Variants in DCAF1 observed in about 807,000 individuals in gnomAD.
DCAF1 encodes the protein DDB1 and CUL4 associated factor 1.
Under a neutral mutation model 128.0 loss-of-function variants are expected in DCAF1, and 15 were observed. The observed-to-expected ratio is 0.12, with a 90% confidence interval of 0.08 to 0.18. The LOEUF is 0.18. Among genes scored for constraint, DCAF1 ranks in the 10% least tolerant of loss-of-function variants. DCAF1 has a pLI of 1.00. For synonymous variants in DCAF1, 610 were observed against 603.0 expected, an observed-to-expected ratio of 1.01 and a Z score of -0.17; for missense variants, 988 against 1,649.5, an observed-to-expected ratio of 0.60 and a Z score of 6.95.
At chr3:51,483,187 G>A (rs1706463030) in intron 3 of DCAF1, among the ~76,000 whole-genome samples, 1 of 142,618 alleles carries the variant, frequency 7.0e-6, no homozygotes, top group Admixed American at 7.2e-5. Flanking sequence ...TGTAATCCTA[G>A]CACTTTGGGA....
At chr3:51,487,660 C>T (rs1331324253) in intron 2 of DCAF1, among the ~76,000 whole-genome samples, 1 of 151,914 alleles carries the variant, frequency 6.6e-6, no homozygotes, top group East Asian at 1.9e-4. Context: ...TTCTTTCTTC[C>T]TTTTTCTTCT....
chr3:51,396,955 C>T (rs1003905304), downstream of DCAF1: 2 of 166,972 alleles, frequency 1.2e-5, no homozygotes, highest in Non-Finnish European at 2.9e-5. Context: ...TGAGTGAGTC[C>T]TCTGCTCTCC....
intron 23 of DCAF1, among the ~76,000 whole-genome samples, chr3:51,405,814 A>C (rs1297545637): frequency 1.3e-5 from 2 of 152,188 alleles, no homozygotes; most frequent in African/African-American, 4.8e-5. Context: ...AGATCTAAAG[A>C]ATAAAGCTTC....
intron 6 of DCAF1, among the ~76,000 whole-genome samples, chr3:51,451,963 T>C (rs782362529): frequency 1.3e-5 from 2 of 152,058 alleles, no homozygotes; most frequent in African/African-American, 4.8e-5. Context: ...ATACATATAA[T>C]GTATGGACTG....
intron 6 of DCAF1, among the ~76,000 whole-genome samples, chr3:51,447,966 C>G (rs912082128): frequency 1.3e-5 from 2 of 151,918 alleles, no homozygotes; most frequent in Non-Finnish European, 1.5e-5. Flanking sequence ...AAAAAAAGTT[C>G]TATGTTTACA....
At chr3:51,502,036 T>G (rs763418469), upstream of DCAF1, among the ~76,000 whole-genome samples, 1 of 152,160 alleles carries the variant, frequency 6.6e-6, no homozygotes, top group Non-Finnish European at 1.5e-5. Context: ...TTTCCTGCCA[T>G]GCCTCCCTGG....
At position 51,440,911 on chromosome 3, in the gene DCAF1, T is replaced by C. The variant is rs1003188170; in HGVS notation, c.1128+59A>G. On this transcript the variant is annotated intron_variant, in intron 9 of 24. Coordinates refer to ENST00000684031, the MANE Select transcript of DCAF1 (RefSeq NM_001387579.1). ...ACAGAGTGAGACTCCATCTTAAATT[T>C]AAAAAAAAACAAAGTTTTTAAAAAA... The C allele has an allele frequency of 3.6e-6, 5 of 1,397,334 alleles. No homozygotes were observed. The African/African-American group carries it at 7.3e-5, about 20-fold the overall frequency. 86.6% of individuals were successfully genotyped at this position (1,397,334 alleles called of 1,614,324 possible).
chr3:51,442,009 G>A (rs1432099482), intron 7 of DCAF1, 112 bp from the exon 8 acceptor site: 2 of 1,362,698 alleles, frequency 1.5e-6, no homozygotes, highest in Non-Finnish European at 9.8e-7. Flanking sequence ...TGAGCCCAAC[G>A]CCTGTAATAG....
At chr3:51,425,075 ATTTTC>A (rs1699784509) in intron 13 of DCAF1, among the ~76,000 whole-genome samples, 2 of 152,186 alleles carry the variant, frequency 1.3e-5, no homozygotes, top group Non-Finnish European at 2.9e-5. Context: ...GCTAAGAGTA[ATTTTC>A]TTTTCTCTTT....
intron 3 of DCAF1, among the ~76,000 whole-genome samples, chr3:51,474,786 T>C (rs1321575883): frequency 7.4e-6 from 1 of 134,752 alleles, no homozygotes; most frequent in Non-Finnish European, 1.5e-5. Flanking sequence ...ATGCCTGGCT[T>C]TTTTTTTTTT....
chr3:51,408,157 C>T (rs1553627286), intron 23 of DCAF1, among the ~76,000 whole-genome samples: 1 of 152,148 alleles, frequency 6.6e-6, no homozygotes, highest in East Asian at 1.9e-4. Context: ...TTTAGGTTTT[C>T]ATTCATCTAG....
In DCAF1 at chr3:51,403,297, C is replaced by G; in HGVS notation, c.4311G>C (p.Leu1437Phe). 1 of 1,592,176 alleles carries G rather than the reference C, an allele frequency of 6.3e-7. No homozygotes were observed. Among genetic ancestry groups the G allele is most frequent in the Non-Finnish European group, 8.6e-7 (1 of 1,169,270 alleles). Residue 1437 changes from leucine (L) to phenylalanine (F), a missense_variant, in exon 24 of 25, where the codon TTG becomes TTC. Leu to Phe is a conservative substitution (Grantham distance 22). This residue lies in a region of DCAF1 where 97 missense variants were observed against 134.5 expected (regional missense o/e 0.72). Coordinates refer to ENST00000684031, the MANE Select transcript of DCAF1 (RefSeq NM_001387579.1). ...CGTTCTCATTATTGTCGTCCTCCTC[C>G]AACTCCGCCTCCAGCAACTGGTCAG... ...LDTDQLLEAE[L>F]EEDDNNENAG...
intron 23 of DCAF1, among the ~76,000 whole-genome samples, chr3:51,410,975 T>G (rs533749562): frequency 6.6e-6 from 1 of 152,098 alleles, no homozygotes; most frequent in South Asian, 2.1e-4. Flanking sequence ...CTGGCCAACA[T>G]TGTGAAACCC....
chr3:51,420,385 C>T lies in DCAF1; in HGVS notation c.2585G>A (p.Gly862Glu). ...LLIRNHLISK[G>E]LGETATVLTK... is the part of the protein sequence containing the mutation. ...CAGCACGGTTGCTGTTTCTCCAAGC[C>T]CTTTAGAAATAAGATGGTTTCGTAT... is the stretch of plus-strand genomic sequence containing the variant. The change falls in exon 15 of 25, where the codon GGG becomes GAG. Residue 862 changes from glycine (G) to glutamate (E), a missense_variant. Coordinates refer to ENST00000684031, the MANE Select transcript of DCAF1 (RefSeq NM_001387579.1). This position sits in a 1 kb window ranked among gnomAD's most constrained non-coding sequence, Gnocchi z 6.5. 6.2e-7 allele frequency: 1 copy of T among 1,614,006 alleles called. No homozygotes were observed. Among genetic ancestry groups the T allele is most frequent in the Non-Finnish European group, 8.5e-7 (1 of 1,179,898 alleles).
rs1176512645 is a variant in DCAF1, at chr3:51,406,037, GAAAACA to G, written c.4213-2648_4213-2643del. On this transcript the variant is annotated intron_variant, in intron 23 of 24. Transcript: ENST00000684031. ...CAACAGAGTGAGATCCCATTTCTTT[GAAAACA>G]AAAACAAAAACAAAAACAGGCCGGG... 2.2e-3 allele frequency among the ~76,000 whole-genome samples: 330 copies of G among 150,398 alleles called. 1 individual carries two copies. Among genetic ancestry groups the G allele is most frequent in the Middle Eastern group, 0.017 (5 of 290 alleles).
chr3:51,436,206 T>C (rs1255658954), intron 9 of DCAF1, among the ~76,000 whole-genome samples: 1 of 152,226 alleles, frequency 6.6e-6, no homozygotes, highest in African/African-American at 2.4e-5. Context: ...AAATCAGAGA[T>C]GACTTGCTCT....
At chr3:51,481,659 C>T (rs1254260188) in intron 3 of DCAF1, among the ~76,000 whole-genome samples, 1 of 151,814 alleles carries the variant, frequency 6.6e-6, no homozygotes, top group African/African-American at 2.4e-5. Flanking sequence ...CGCACCACTG[C>T]CTGGGGCAGA....
intron 4 of DCAF1, 96 bp downstream of exon 4, chr3:51,470,833 T>C: frequency 1.2e-6 from 1 of 840,526 alleles, no homozygotes; most frequent in Non-Finnish European, 1.7e-6. Flanking sequence ...CCATAAGCAA[T>C]TTTTCTTTTT....
chr3:51,501,075 C>G (rs567820830), upstream of DCAF1, among the ~76,000 whole-genome samples: 90 of 152,280 alleles, frequency 5.9e-4, no homozygotes, highest in African/African-American at 2.1e-3. Context: ...CCTCGGCCCC[C>G]CGAAGTGTTG....
Sources: gnomAD v4.1 joint callset for allele counts (sites outside exome capture counted in the v4.1 genomes callset) on GRCh38, gnomAD v4.1.1 for gene constraint, gnomAD v4.1.1 regional missense constraint, Gnocchi (gnomAD v3.1) non-coding constraint, MANE v1.5 for transcripts, NCBI Gene and HGNC (gene_info 2026-07-23, HGNC 2026-07-21) for gene names.